Variants in PSG1 observed in about 807,000 individuals in gnomAD.
PSG1 encodes the protein pregnancy specific beta-1-glycoprotein 1, also known as pregnancy-specific beta-1-glycoprotein 1.
In PSG1, 60 loss-of-function variants were observed where a neutral mutation model predicts 41.4. The observed-to-expected ratio is 1.45, with a 90% confidence interval of 1.18 to 1.80. The LOEUF (loss-of-function observed/expected upper bound fraction) is 1.80. PSG1 is among the 40% of genes most tolerant of loss of function. PSG1 has a pLI of 0.00. For missense variants in PSG1, 806 were observed against 516.9 expected (o/e 1.56, Z -5.42); for synonymous variants, 256 against 192.9 (o/e 1.33, Z -2.71).
In PSG1 at chr19:42,871,861, C is replaced by A. The variant is rs1058697; in HGVS notation, c.615G>T (p.Leu205Phe). The change falls in exon 3 of 6, where the codon TTG (leucine) becomes TTT (phenylalanine). Residue 205 changes from leucine (L) to phenylalanine (F), a missense_variant. Leu to Phe is a conservative substitution (Grantham distance 22, BLOSUM62 0). Coordinates refer to ENST00000436291, the MANE Select transcript of PSG1 (RefSeq NM_001184825.2). ...LSETNRTLFLLGVTKYTAGPY... is the reference protein window; with the variant it reads ...LSETNRTLFLFGVTKYTAGPY... ...GTCCTGCAGTATACTTTGTGACACC[C>A]AATAGAAAGAGGGTCCTGTTGGTTT... The A allele has an allele frequency of 9.1e-5, 146 of 1,612,426 alleles. 11 individuals are homozygous for A. The highest frequency in any genetic ancestry group is 8.3e-4 in the South Asian group (75 of 90,804).
Position 42,866,919 on chromosome 19 carries a change from A to G in PSG1, c.*215T>C, listed in dbSNP as rs1268686683. 1.7e-5 allele frequency: 12 copies of G among 702,096 alleles called. No individual in the cohort carries two copies. The highest frequency in any genetic ancestry group is 2.9e-5 in the Non-Finnish European group (11 of 384,008). 43.5% of individuals were successfully genotyped at this position (702,096 alleles called of 1,614,324 possible). ...GAAAAACTGTCCACAGTGTGAAGTC[A>G]TCCACTTGTTGTCCTGGTTTACAGT... On this transcript the variant is annotated 3_prime_UTR_variant, in exon 6 of 6. Coordinates refer to ENST00000436291, the MANE Select transcript of PSG1 (RefSeq NM_001184825.2).
rs1053473451 is a variant in PSG1 at position 42,878,892 on chromosome 19, C to T, written c.65-614G>A. The stretch of plus-strand genomic sequence containing the variant: ...CATGCCCTGGGTGTTTTTTTTCCCC[C>T]AATTGTTGAGGTTTCTTGCTGAGGA... On this transcript the variant is annotated intron_variant, in intron 1 of 5. Transcript: ENST00000436291. 5.9e-5 allele frequency among the ~76,000 whole-genome samples: 9 copies of T among 151,508 alleles called. 1 individual carries two copies. Among genetic ancestry groups the T allele is most frequent in the African/African-American group, 2.2e-4 (9 of 41,216 alleles).
At chr19:42,873,918 A>T (rs144256956) in intron 2 of PSG1, among the ~76,000 whole-genome samples, 3 of 151,488 alleles carry the variant, frequency 2.0e-5, no homozygotes, top group Non-Finnish European at 4.4e-5. Flanking sequence ...CTAGAGTTTA[A>T]GTTTGTGTGA....
chr19:42,879,622 C>A lies in PSG1; in HGVS notation c.-41G>T, dbSNP rs759780571. On this transcript the variant is annotated 5_prime_UTR_variant, in exon 1 of 6. It adds an upstream start codon to the 5' untranslated region. Coordinates refer to ENST00000436291, the MANE Select transcript of PSG1 (RefSeq NM_001184825.2). ...TGTGTTCTCCTCTGTGGAGATAAGC[C>A]TAGGATCCAGAAACTCTCTGAGCAC... 3.1e-6 allele frequency: 5 copies of A among 1,606,398 alleles called. No individual in the cohort carries two copies. The African/African-American group carries it at 5.4e-5, about 17-fold the overall frequency.
chr19:42,867,679 G>A (rs572182219), intron 5 of PSG1: 1 of 780,370 alleles, frequency 1.3e-6, no homozygotes, highest in Admixed American at 1.8e-5. Context: ...GGGGCAGTCA[G>A]GTAGAAAGCA....
At chr19:42,871,715 C>T in intron 3 of PSG1, 52 bp downstream of exon 3, 1 of 1,612,504 alleles carries the variant, frequency 6.2e-7, no homozygotes, top group African/African-American at 1.3e-5. Flanking sequence ...GGCCTCTGGC[C>T]ACGTGTATTT....
Position 42,871,941 on chromosome 19 carries a change from G to C in PSG1, c.535C>G (p.Leu179Val), listed in dbSNP as rs746877610. ...CDPETPDASY[L>V]WWMNGQSLPM... ...AGGCTCTGACCATTCATCCACCACA[G>C]GTAGCTTGCGTCTGGAGTCTCAGGG... The change falls in exon 3 of 6, where the codon CTG (leucine) becomes GTG (valine). Residue 179 changes from leucine (L) to valine (V), a missense_variant. Coordinates refer to ENST00000436291, the MANE Select transcript of PSG1 (RefSeq NM_001184825.2). 4 of 1,612,492 alleles carry C rather than the reference G, an allele frequency of 2.5e-6. No homozygotes were observed. The highest frequency in any genetic ancestry group is 3.4e-6 in the Non-Finnish European group (4 of 1,179,228).
chr19:42,871,391 C>A (rs10403207), intron 3 of PSG1, among the ~76,000 whole-genome samples: 28,812 of 151,190 alleles, frequency 0.19, 3,848 homozygotes, highest in East Asian at 0.41. Flanking sequence ...GTCACAGGCA[C>A]TATTGTCAGA....
At position 42,868,826 on chromosome 19, in the gene PSG1, T is replaced by C. The variant is rs771490434; in HGVS notation, c.918A>G (p.Gly306=). 2.4e-5 allele frequency: 39 copies of C among 1,611,578 alleles called. 1 individual carries two copies. In the South Asian group the frequency reaches 4.2e-4, roughly 17 times the overall value. Residue 306 remains glycine (G), a synonymous_variant, in exon 4 of 6, where the codon GGA becomes GGG. Transcript: ENST00000436291. ...GGTCCCGTATTTCACATTGATAGGGTCCTGTTTCATTTCTCGTGACACTGG... is the reference window on the plus strand; with the variant it reads ...GGTCCCGTATTTCACATTGATAGGGCCCTGTTTCATTTCTCGTGACACTGG... The part of the protein sequence containing the change: ...ILPSVTRNET[G]PYQCEIRDRY...
rs560095441 is a variant in PSG1 at position 42,875,833 on chromosome 19, T to A, written c.430+2080A>T. 5.4e-3 allele frequency among the ~76,000 whole-genome samples: 801 copies of A among 148,934 alleles called. 34 individuals are homozygous for A. Among genetic ancestry groups the A allele is most frequent in the African/African-American group, 0.017 (711 of 40,720 alleles). On this transcript the variant is annotated intron_variant, in intron 2 of 5. Transcript: ENST00000436291. ...TTTTATTTATTTATTTGTTTTTTTT[T>A]TTTTTTGTGCAGGAGGCCAGAGGAA...
At position 42,879,636 on chromosome 19, in the gene PSG1, C is replaced by G. The variant is rs951725408; in HGVS notation, c.-55G>C. On this transcript the variant is annotated 5_prime_UTR_variant, in exon 1 of 6. Coordinates refer to ENST00000436291, the MANE Select transcript of PSG1 (RefSeq NM_001184825.2). ...TGGAGATAAGCCTAGGATCCAGAAA[C>G]TCTCTGAGCACGGCTGTCAGCTGTG... 30 of 1,596,774 alleles carry G rather than the reference C, an allele frequency of 1.9e-5. 2 individuals carry two copies. The highest frequency in any genetic ancestry group is 2.4e-5 in the Non-Finnish European group (28 of 1,168,440).
At chr19:42,868,586 G>C (rs1336200018) in intron 4 of PSG1, among the ~76,000 whole-genome samples, 170 bp downstream of exon 4, 2 of 151,248 alleles carry the variant, frequency 1.3e-5, no homozygotes, top group Non-Finnish European at 3.0e-5. Context: ...TATATTCTTG[G>C]TTAAGGCTGT....
Position 42,877,770 on chromosome 19 carries a change from G to T in PSG1, c.430+143C>A, listed in dbSNP as rs550253365. On this transcript the variant is annotated intron_variant, in intron 2 of 5. Transcript: ENST00000436291. ...GTTGAAATTTGTCTCCTCTGTGTGT[G>T]TCCTGCACTAAATGCCCAAATCCCA... The T allele has an allele frequency of 5.9e-4, 905 of 1,522,494 alleles. 15 individuals carry two copies. The highest frequency in any genetic ancestry group is 8.6e-4 in the Middle Eastern group (5 of 5,794). The allele number at this position is 1,522,494 out of a possible 1,614,324, so 94.3% of individuals were successfully genotyped here.
At chr19:42,869,600 A>G (rs1422984283) in intron 3 of PSG1, 1 of 159,874 alleles carries the variant, frequency 6.3e-6, no homozygotes, top group Non-Finnish European at 1.4e-5. Context: ...CAGTTCAGTC[A>G]TCAGGCAGTG....
At position 42,866,715 on chromosome 19, in the gene PSG1, T is replaced by C. The variant is rs1058910; in HGVS notation, c.*419A>G. The stretch of plus-strand genomic sequence containing the variant: ...AGCCACATTTCCCCCTGAGATGTTA[T>C]GTAAAAGTTTGAGGTTGAGATGACA... On this transcript the variant is annotated 3_prime_UTR_variant, in exon 6 of 6. Transcript: ENST00000436291. 50,214 of 398,646 alleles carry C rather than the reference T, an allele frequency of 0.13. 3,999 individuals are homozygous for C. The highest frequency in any genetic ancestry group is 0.18 in the Admixed American group (4,569 of 25,954). 24.7% of individuals were successfully genotyped at this position (398,646 alleles called of 1,614,324 possible).
At position 42,876,009 on chromosome 19, in the gene PSG1, G is replaced by A. The variant is rs538455645; in HGVS notation, c.430+1904C>T. ...GTGACCTGGGGACATTGGCTCGAGAGGAAGCCTGGCAGGAGTGGCAACTCC... is the reference window on the plus strand; with the variant it reads ...GTGACCTGGGGACATTGGCTCGAGAAGAAGCCTGGCAGGAGTGGCAACTCC... On this transcript the variant is annotated intron_variant, in intron 2 of 5. Transcript: ENST00000436291. Among the ~76,000 whole-genome samples, 20 of 151,308 alleles carry A rather than the reference G, an allele frequency of 1.3e-4. 1 individual carries two copies. The highest frequency in any genetic ancestry group is 4.1e-4 in the African/African-American group (17 of 41,232).
intron 3 of PSG1, 184 bp from the exon 4 acceptor site, chr19:42,869,218 C>T: frequency 3.0e-6 from 4 of 1,330,670 alleles, no homozygotes; most frequent in Non-Finnish European, 4.0e-6. Context: ...GTGAGGCCGC[C>T]TTCTCTGTCT....
Position 42,878,041 on chromosome 19 carries a change from G to T in PSG1, c.302C>A (p.Ala101Glu), listed in dbSNP as rs707748. The T allele has an allele frequency of 4.6e-5, 74 of 1,612,412 alleles. 1 individual carries two copies. In the African/African-American group the frequency reaches 9.1e-4, roughly 20 times the overall value. ...GATCAGCAGGGATGCATTGGAATAT[G>T]CTGTTTCTCGTCCACTATATGCAGG... is the stretch of plus-strand genomic sequence containing the variant. ...YGPAYSGRET[A>E]YSNASLLIQN... is the part of the protein sequence containing the mutation. Residue 101 changes from alanine (A) to glutamate (E), a missense_variant, in exon 2 of 6, where the codon GCA becomes GAA. Coordinates refer to ENST00000436291, the MANE Select transcript of PSG1 (RefSeq NM_001184825.2).
intron 5 of PSG1, 37 bp from the exon 6 acceptor site, chr19:42,867,187 A>G (rs1971167908): frequency 1.3e-6 from 1 of 765,668 alleles, no homozygotes; most frequent in African/African-American, 1.7e-5. Context: ...AACAATGAAC[A>G]GAGCTGCAGT....
Sources: gnomAD v4.1 joint callset for allele counts (sites outside exome capture counted in the v4.1 genomes callset) on GRCh38, gnomAD v4.1.1 for gene constraint, MANE v1.5 for transcripts, NCBI Gene and HGNC (gene_info 2026-07-23, HGNC 2026-07-21) for gene names.